The following RASA3 variants were observed in gnomAD, a reference collection of about 807,000 sequenced individuals.
The protein encoded by RASA3 is ras GTPase-activating protein 3.
Under a neutral mutation model 110.0 loss-of-function variants are expected in RASA3, and 73 were observed. The ratio of observed to expected loss-of-function variants is 0.66; its 90% CI spans 0.55 to 0.81. The LOEUF (loss-of-function observed/expected upper bound fraction) is 0.81. RASA3 is among the 30% of genes least tolerant of loss of function. The pLI is 0.00. For synonymous variants in RASA3, 500 were observed against 451.4 expected (o/e 1.11, Z -1.37); for missense variants, 976 against 1,113.2 (o/e 0.88, Z 1.75).
intron 20 of RASA3, among the ~76,000 whole-genome samples, chr13:113,998,748 C>T (rs578042455): frequency 9.2e-5 from 14 of 152,334 alleles, no homozygotes; most frequent in African/African-American, 3.1e-4. Flanking sequence ...TCCAGAAAAC[C>T]GAAGGCCTGC....
At chr13:114,031,710 A>G (rs1417037776) in intron 4 of RASA3, among the ~76,000 whole-genome samples, 1 of 152,202 alleles carries the variant, frequency 6.6e-6, no homozygotes, top group Non-Finnish European at 1.5e-5. Context: ...AATGGCAATG[A>G]ATGGATGGGA....
intron 1 of RASA3, among the ~76,000 whole-genome samples, chr13:114,121,512 C>T (rs1213421105): frequency 1.3e-5 from 2 of 152,184 alleles, no homozygotes; most frequent in African/African-American, 4.8e-5. Flanking sequence ...GCAACCCTGC[C>T]CCAAACGGTC....
At chr13:114,111,833 A>C (rs1026673848) in intron 1 of RASA3, among the ~76,000 whole-genome samples, 18 of 152,358 alleles carry the variant, frequency 1.2e-4, no homozygotes, top group African/African-American at 4.3e-4. Context: ...GAGTTAGGAC[A>C]TCCCCAGCTG....
At chr13:113,992,454 C>T in intron 22 of RASA3, 31 bp downstream of exon 22, 1 of 1,577,808 alleles carries the variant, frequency 6.3e-7, no homozygotes, top group South Asian at 1.1e-5. Context: ...CATCCCCTCG[C>T]TGCACAGATC....
intron 19 of RASA3, among the ~76,000 whole-genome samples, chr13:114,000,506 C>T (rs570806944): frequency 3.3e-5 from 5 of 152,282 alleles, no homozygotes; most frequent in Non-Finnish European, 5.9e-5. Flanking sequence ...CTCGGCGGAG[C>T]GGCACCCTGG....
intron 1 of RASA3, among the ~76,000 whole-genome samples, chr13:114,093,444 TC>T (rs2079909078): frequency 6.6e-6 from 1 of 152,234 alleles, no homozygotes; most frequent in African/African-American, 2.4e-5. Context: ...ATATTGGATC[TC>T]CCCAAAATGT....
At chr13:114,121,873 T>C (rs1405579318) in intron 1 of RASA3, among the ~76,000 whole-genome samples, 1 of 152,198 alleles carries the variant, frequency 6.6e-6, no homozygotes, top group Non-Finnish European at 1.5e-5. Flanking sequence ...GGAATCTCTC[T>C]CCTGCCTCGC....
In RASA3 at chr13:114,057,447, G is replaced by A. The variant is rs1278763288; in HGVS notation, c.174-5292C>T. On this transcript the variant is annotated intron_variant, in intron 2 of 23. Transcript: ENST00000334062. The surrounding 1 kb of genome is among the most constrained non-coding windows in gnomAD (Gnocchi z 5.0). The stretch of plus-strand genomic sequence containing the variant: ...CACTCATTTTAATGAAGGCTCTGCA[G>A]GATTTCAAGGAAAGCTGGAGCCAGT... 1.0e-6 allele frequency: 1 copy of A among 985,282 alleles called. No homozygotes were observed. The highest frequency in any genetic ancestry group is 1.2e-6 in the Non-Finnish European group (1 of 829,922). 61.0% of individuals were successfully genotyped at this position (985,282 alleles called of 1,614,324 possible).
intron 1 of RASA3, among the ~76,000 whole-genome samples, chr13:114,130,331 T>C (rs2080500650): frequency 6.6e-6 from 1 of 152,188 alleles, no homozygotes; most frequent in African/African-American, 2.4e-5. Flanking sequence ...CAGCTGGCAT[T>C]TGGGCCTCTC....
chr13:114,027,269 G>T, intron 7 of RASA3, 120 bp downstream of exon 7: 2 of 892,248 alleles, frequency 2.2e-6, no homozygotes, highest in Non-Finnish European at 1.7e-6. Flanking sequence ...GGCGGGGCTC[G>T]CTCCTCTCCG....
intron 2 of RASA3, among the ~76,000 whole-genome samples, chr13:114,064,110 C>T (rs1027810299): frequency 6.6e-6 from 1 of 152,196 alleles, no homozygotes; most frequent in Non-Finnish European, 1.5e-5. Context: ...AAAACCCCCA[C>T]AAATTTGTTA....
chr13:114,077,992 GA>G (rs112524043), intron 1 of RASA3: 108,731 of 892,372 alleles, frequency 0.12, 2,102 homozygotes, highest in African/African-American at 0.28. Flanking sequence ...CATTGAAACA[GA>G]AAAAAAAAAA....
intron 21 of RASA3, among the ~76,000 whole-genome samples, chr13:113,995,122 G>A (rs947706222): frequency 2.0e-5 from 3 of 152,260 alleles, no homozygotes; most frequent in East Asian, 1.9e-4. Context: ...GAGCAAACTC[G>A]GCAGACGTGT....
chr13:114,130,448 G>C lies in RASA3; in HGVS notation c.55+1987C>G, dbSNP rs996244105. Among the ~76,000 whole-genome samples the C allele has an allele frequency of 3.3e-5, 5 of 152,322 alleles. No homozygotes were observed. The South Asian group carries it at 1.0e-3, about 32-fold the overall frequency. On this transcript the variant is annotated intron_variant, in intron 1 of 23. Transcript: ENST00000334062. ...GCCTCAGCTGAGCCAGGGTTTCACT[G>C]GCTTGTTTAAAGTGGAGCACAGAGC...
At chr13:114,012,958 CCA>C (rs1177476808) in intron 15 of RASA3, among the ~76,000 whole-genome samples, 182 bp downstream of exon 15, 2 of 149,642 alleles carry the variant, frequency 1.3e-5, no homozygotes, top group African/African-American at 5.0e-5. Context: ...ACTCCCCATT[CCA>C]CACACACTCC....
intron 1 of RASA3, among the ~76,000 whole-genome samples, chr13:114,117,767 A>AGGG (rs2080312055): frequency 2.6e-5 from 2 of 76,832 alleles, no homozygotes; most frequent in Non-Finnish European, 5.0e-5. Context: ...CACGTGTGTG[A>AGGG]GAGCACGTGT....
chr13:114,010,052 C>T (rs1463310028), intron 16 of RASA3, among the ~76,000 whole-genome samples: 1 of 151,858 alleles, frequency 6.6e-6, no homozygotes, highest in African/African-American at 2.4e-5. Context: ...GTGCAGACCT[C>T]GGAGGAGGCT....
intron 3 of RASA3, among the ~76,000 whole-genome samples, chr13:114,044,656 A>G (rs973705221): frequency 3.4e-5 from 5 of 145,982 alleles, no homozygotes; most frequent in African/African-American, 1.0e-4. Context: ...CCTTTCCCCC[A>G]CAACACGAAC....
At chr13:113,996,802 G>A (rs1017727670) in intron 20 of RASA3, 63 bp from the exon 21 acceptor site, 2 of 1,444,764 alleles carry the variant, frequency 1.4e-6, no homozygotes, top group Non-Finnish European at 1.9e-6. Flanking sequence ...ACGTGCAAGA[G>A]TCCACCAGGC....
Sources: gnomAD v4.1 joint callset for allele counts (sites outside exome capture counted in the v4.1 genomes callset) on GRCh38, gnomAD v4.1.1 for gene constraint, Gnocchi (gnomAD v3.1) non-coding constraint, MANE v1.5 for transcripts, NCBI Gene and HGNC (gene_info 2026-07-23, HGNC 2026-07-21) for gene names.